The following KLHDC4 variants were observed in gnomAD, a reference collection of about 807,000 sequenced individuals.
The protein encoded by KLHDC4 is kelch domain-containing protein 4.
In KLHDC4, 90 loss-of-function variants were observed where a neutral mutation model predicts 62.4. The observed-to-expected ratio is 1.44, with a 90% CI of 1.22 to 1.72. The LOEUF (loss-of-function observed/expected upper bound fraction) is 1.72, where lower values mean the gene tolerates loss of function less well. Among genes scored for constraint, KLHDC4 ranks in the 40% most tolerant of loss-of-function variants. The pLI, the probability that KLHDC4 is intolerant of heterozygous loss-of-function variation, is 0.00. For missense variants in KLHDC4, 1,025 were observed against 699.7 expected (o/e 1.47, Z -5.25); for synonymous variants, 386 against 284.4 (o/e 1.36, Z -3.59).
At chr16:87,764,550 G>A (rs1057463786) in intron 1 of KLHDC4, among the ~76,000 whole-genome samples, 3 of 149,116 alleles carry the variant, frequency 2.0e-5, no homozygotes, top group African/African-American at 4.9e-5. Context: ...TTGGGAGGCT[G>A]AGGCAGGAGA....
chr16:87,728,006 T>C (rs1045819726), intron 6 of KLHDC4, among the ~76,000 whole-genome samples: 1 of 152,076 alleles, frequency 6.6e-6, no homozygotes, highest in African/African-American at 2.4e-5. Flanking sequence ...GACAATATGG[T>C]GAAACCTTGT....
intron 8 of KLHDC4, chr16:87,714,256 A>G (rs2142964293): frequency 2.4e-6 from 1 of 413,950 alleles, no homozygotes; most frequent in Admixed American, 6.4e-5. Context: ...GCAGGGTAAC[A>G]GCGCCCGTGC....
At chr16:87,712,558 G>A (rs1008274958) in intron 8 of KLHDC4, among the ~76,000 whole-genome samples, 8 of 152,248 alleles carry the variant, frequency 5.3e-5, no homozygotes, top group African/African-American at 1.9e-4. Flanking sequence ...CGCCCTGCGG[G>A]AAACAGTCCA....
intron 7 of KLHDC4, among the ~76,000 whole-genome samples, chr16:87,719,241 G>A (rs887547049): frequency 5.9e-5 from 9 of 152,260 alleles, no homozygotes; most frequent in African/African-American, 2.2e-4. Context: ...GGGAAATGTG[G>A]GGAAAAGAAA....
At chr16:87,752,626 T>A (rs780755944) in intron 4 of KLHDC4, among the ~76,000 whole-genome samples, 1 of 152,016 alleles carries the variant, frequency 6.6e-6, no homozygotes, top group Non-Finnish European at 1.5e-5. Context: ...TGAGCCACCA[T>A]GCCCAGCCCA....
At chr16:87,731,593 C>T (rs1357155228) in intron 5 of KLHDC4, among the ~76,000 whole-genome samples, 1 of 151,876 alleles carries the variant, frequency 6.6e-6, no homozygotes, top group African/African-American at 2.4e-5. Context: ...AAGACAACAT[C>T]AAGTGCTGGC....
chr16:87,701,494 G>A (rs2034141282), exon 1 of KLHDC4: 1 of 358,746 alleles, frequency 2.8e-6, no homozygotes, highest in Non-Finnish European at 5.6e-6. Context: ...TTGTTCCCAA[G>A]CCTAGGAGAA....
At chr16:87,717,383 A>G (rs1050282557) in intron 7 of KLHDC4, among the ~76,000 whole-genome samples, 1 of 152,196 alleles carries the variant, frequency 6.6e-6, no homozygotes, top group African/African-American at 2.4e-5. Flanking sequence ...ATTTACTATA[A>G]TGGAAAAAAA....
chr16:87,754,031 T>G (rs1597365932), intron 4 of KLHDC4, among the ~76,000 whole-genome samples: 1 of 150,020 alleles, frequency 6.7e-6, no homozygotes, highest in Admixed American at 6.6e-5. Context: ...TCCCAGCTAC[T>G]GGGGAGGCTG....
chr16:87,748,088 GCT>G (rs761965026), intron 5 of KLHDC4, among the ~76,000 whole-genome samples: 14 of 152,174 alleles, frequency 9.2e-5, no homozygotes, highest in Non-Finnish European at 1.8e-4. Context: ...ATGCCATCTG[GCT>G]CTCTACACGG....
At chr16:87,744,160 A>T (rs1403135663) in intron 5 of KLHDC4, among the ~76,000 whole-genome samples, 1 of 152,156 alleles carries the variant, frequency 6.6e-6, no homozygotes, top group Non-Finnish European at 1.5e-5. Flanking sequence ...TCATGCCTGT[A>T]ATCCCAGCAC....
intron 5 of KLHDC4, among the ~76,000 whole-genome samples, chr16:87,743,536 C>G (rs562211056): frequency 6.6e-6 from 1 of 151,816 alleles, no homozygotes; most frequent in Non-Finnish European, 1.5e-5. Context: ...GTCAGGAGAT[C>G]GAGACCATCC....
In KLHDC4 at chr16:87,708,068, G is replaced by A. The variant is rs904984463; in HGVS notation, c.*9C>T. 8 of 567,594 alleles carry A rather than the reference G, an allele frequency of 1.4e-5. No individual in the cohort carries two copies. Among genetic ancestry groups the A allele is most frequent in the Non-Finnish European group, 2.3e-5 (7 of 299,370 alleles). The allele number at this position is 567,594 out of a possible 1,614,324, so 35.2% of individuals were successfully genotyped here. A position where few individuals can be genotyped will look rare whatever the true frequency, so the allele number is the denominator to read the frequency against. ...AGCACTTGCCAGGCGCCCCTGGCAGGGGCTCTTCTGATACGCAAGGAGGAA... is the reference window on the plus strand; with the variant it reads ...AGCACTTGCCAGGCGCCCCTGGCAGAGGCTCTTCTGATACGCAAGGAGGAA... On this transcript the variant is annotated 3_prime_UTR_variant, in exon 12 of 12. Transcript: ENST00000270583.
At chr16:87,749,828 G>A (rs538171770) in intron 4 of KLHDC4, among the ~76,000 whole-genome samples, 26 of 152,168 alleles carry the variant, frequency 1.7e-4, no homozygotes, top group African/African-American at 5.5e-4. Context: ...CTCCCGCCTC[G>A]GCCTCCCAAA....
intron 2 of KLHDC4, chr16:87,757,284 A>G (rs2143351891): frequency 6.6e-6 from 1 of 151,926 alleles, no homozygotes; most frequent in Admixed American, 6.6e-5. Context: ...CCTAGCCAAC[A>G]TGGCGAAACC....
downstream of KLHDC4, among the ~76,000 whole-genome samples, chr16:87,705,019 G>A (rs1381543224): frequency 6.6e-6 from 1 of 152,042 alleles, no homozygotes. Context: ...AAGCGGGCCG[G>A]CCAGAGTGCC....
chr16:87,759,685 A>T (rs1019092629), intron 2 of KLHDC4, among the ~76,000 whole-genome samples: 2 of 152,118 alleles, frequency 1.3e-5, no homozygotes, highest in African/African-American at 4.8e-5. Context: ...GGCTACAGTG[A>T]GCCGAGATCG....
intron 3 of KLHDC4, 85 bp downstream of exon 3, chr16:87,756,314 T>C: frequency 1.0e-6 from 1 of 1,003,614 alleles, no homozygotes; most frequent in Non-Finnish European, 1.6e-6. Flanking sequence ...GGCTAACGCA[T>C]ATTTGATGTC....
At chr16:87,722,768 T>C (rs1387940104) in intron 7 of KLHDC4, among the ~76,000 whole-genome samples, 1 of 152,208 alleles carries the variant, frequency 6.6e-6, no homozygotes, top group Admixed American at 6.5e-5. Context: ...TGCAGGTCAC[T>C]CCAGCTGCTG....
Sources: allele counts gnomAD v4.1 joint callset (sites outside exome capture counted in the v4.1 genomes callset), GRCh38; gene constraint gnomAD v4.1.1; transcripts MANE v1.5; gene names NCBI Gene and HGNC (gene_info 2026-07-23, HGNC 2026-07-21).